ERI1: variants seen among roughly 807,000 people sequenced by gnomAD.
The protein encoded by ERI1 is exoribonuclease 1, also known as 3'-5' exoribonuclease 1.
ERI1 carries 39 observed loss-of-function variants against 39.7 expected under a neutral mutation model. The observed-to-expected ratio is 0.98, with a 90% confidence interval of 0.76 to 1.28. ERI1 has a LOEUF of 1.28. Among genes scored for constraint, ERI1 ranks in the 50% most tolerant of loss-of-function variants. The probability of loss-of-function intolerance (pLI) is 0.00; values close to 1 mark genes in which losing one functional copy is unlikely to be tolerated. For missense variants in ERI1, 581 were observed against 416.9 expected, an observed-to-expected ratio of 1.39 and a Z score of -3.43; for synonymous variants, 204 against 149.6, an observed-to-expected ratio of 1.36 and a Z score of -2.65.
At chr8:9,045,957 G>T (rs1402591394) in intron 3 of ERI1, among the ~76,000 whole-genome samples, 5 of 152,162 alleles carry the variant, frequency 3.3e-5, no homozygotes, top group African/African-American at 1.2e-4. Flanking sequence ...AAGATTACAG[G>T]TGTGAGCCAC....
At chr8:9,021,436 T>G (rs79357319) in intron 6 of ERI1, among the ~76,000 whole-genome samples, 1,567 of 152,338 alleles carry the variant, frequency 0.01, 28 homozygotes, top group African/African-American at 0.036. Context: ...CCTTTACAGT[T>G]TCATTTTGGA....
intron 6 of ERI1, among the ~76,000 whole-genome samples, chr8:9,029,094 C>G (rs375294131): frequency 6.6e-6 from 1 of 150,576 alleles, no homozygotes; most frequent in Non-Finnish European, 1.5e-5. Flanking sequence ...TCCAAAAAGG[C>G]TAGTCTTTTT....
chr8:9,065,097 G>A (rs182371964), intron 3 of ERI1, among the ~76,000 whole-genome samples: 83 of 152,196 alleles, frequency 5.5e-4, no homozygotes, highest in African/African-American at 1.6e-3. Flanking sequence ...CTTCTTTTGT[G>A]GTGGAATGTC....
In ERI1 at chr8:9,032,292, G is replaced by C. The variant is rs1414950267; in HGVS notation, c.*2258G>C. The C allele has an allele frequency of 6.6e-6, 1 of 152,106 alleles. No individual in the cohort carries two copies. Among genetic ancestry groups the C allele is most frequent in the Non-Finnish European group, 1.5e-5 (1 of 68,016 alleles). The allele number at this position is 152,106 out of a possible 1,614,324, so 9.4% of individuals were successfully genotyped here. On this transcript the variant is annotated 3_prime_UTR_variant, in exon 7 of 7. Coordinates refer to ENST00000250263, the MANE Select transcript of ERI1 (RefSeq NM_153332.4). ...ATTGTTTCTTATTAATAGTTACTTAGTATTTACAAACAATTTATTATTAGC... is the reference window on the plus strand; with the variant it reads ...ATTGTTTCTTATTAATAGTTACTTACTATTTACAAACAATTTATTATTAGC...
intron 2 of ERI1, among the ~76,000 whole-genome samples, chr8:9,008,788 C>T (rs754644356): frequency 1.3e-5 from 2 of 152,098 alleles, no homozygotes; most frequent in African/African-American, 2.4e-5. Context: ...AAAAATACAT[C>T]GATTTTTGAT....
At chr8:9,092,032 C>A (rs936855456) in intron 3 of ERI1, among the ~76,000 whole-genome samples, 1 of 152,202 alleles carries the variant, frequency 6.6e-6, no homozygotes, top group African/African-American at 2.4e-5. Context: ...TCTCGGCTCA[C>A]TGCAACCTCC....
chr8:9,075,390 C>T (rs1799177085), intron 3 of ERI1, among the ~76,000 whole-genome samples: 2 of 151,918 alleles, frequency 1.3e-5, no homozygotes, highest in South Asian at 2.1e-4. Flanking sequence ...TGAGAGATTA[C>T]CGAGGAGTTT....
chr8:9,076,567 G>A (rs997165501), intron 3 of ERI1, among the ~76,000 whole-genome samples: 3 of 152,158 alleles, frequency 2.0e-5, no homozygotes, highest in Admixed American at 6.5e-5. Context: ...GGTGGGTGGG[G>A]GATTAAGTTC....
At chr8:9,015,242 G>C (rs1469494637) in intron 3 of ERI1, among the ~76,000 whole-genome samples, 3 of 152,092 alleles carry the variant, frequency 2.0e-5, no homozygotes, top group African/African-American at 7.2e-5. Flanking sequence ...TTTATTCTTA[G>C]GAAATACAAA....
chr8:9,079,298 G>A (rs534108495), intron 3 of ERI1, among the ~76,000 whole-genome samples: 1 of 152,204 alleles, frequency 6.6e-6, no homozygotes, highest in African/African-American at 2.4e-5. Flanking sequence ...CCTGATCTCC[G>A]GAGAAGAGCT....
chr8:9,093,126 A>G (rs1799759835), intron 3 of ERI1, among the ~76,000 whole-genome samples: 2 of 152,186 alleles, frequency 1.3e-5, no homozygotes, highest in African/African-American at 2.4e-5. Flanking sequence ...CACCTTTTTA[A>G]AGACCAGGTC....
intron 3 of ERI1, among the ~76,000 whole-genome samples, chr8:9,068,442 T>C (rs1211142441): frequency 6.6e-6 from 1 of 152,164 alleles, no homozygotes; most frequent in Non-Finnish European, 1.5e-5. Context: ...GCTCAAGTGA[T>C]CCTCCTGCCT....
chr8:9,056,273 A>G (rs150009209), intron 3 of ERI1, among the ~76,000 whole-genome samples: 1 of 152,248 alleles, frequency 6.6e-6, no homozygotes, highest in Admixed American at 6.5e-5. Flanking sequence ...CAGAGAATGC[A>G]GGAGCACAGC....
At chr8:9,038,957 T>C (rs1484933579) in intron 3 of ERI1, among the ~76,000 whole-genome samples, 1 of 152,248 alleles carries the variant, frequency 6.6e-6, no homozygotes, top group Non-Finnish European at 1.5e-5. Flanking sequence ...AAAAATCACA[T>C]TGTGATCTGT....
Position 9,026,600 on chromosome 8 carries a change from T to G in ERI1, c.808-3192T>G, listed in dbSNP as rs180764999. 1.8e-4 allele frequency among the ~76,000 whole-genome samples: 28 copies of G among 152,286 alleles called. No individual in the cohort carries two copies. The East Asian group carries it at 5.4e-3, about 29-fold the overall frequency. On this transcript the variant is annotated intron_variant, in intron 6 of 6. Coordinates refer to ENST00000250263, the MANE Select transcript of ERI1 (RefSeq NM_153332.4). ...GCAGAATAAGAATTCATTGTATGTATTTACGGGCTGAGTATACCTAATCCA... is the reference window on the plus strand; with the variant it reads ...GCAGAATAAGAATTCATTGTATGTAGTTACGGGCTGAGTATACCTAATCCA...
chr8:9,022,091 T>G (rs1817969504), intron 6 of ERI1, among the ~76,000 whole-genome samples: 1 of 152,092 alleles, frequency 6.6e-6, no homozygotes, highest in East Asian at 1.9e-4. Flanking sequence ...CCAATGGAAT[T>G]GTACCAGTTT....
intron 3 of ERI1, among the ~76,000 whole-genome samples, chr8:9,051,083 G>C (rs755393051): frequency 3.3e-5 from 5 of 151,842 alleles, no homozygotes; most frequent in Admixed American, 2.0e-4. Flanking sequence ...TTTAAAGTAG[G>C]TACGATAGAT....
chr8:9,004,936 C>A (rs1309663363), intron 1 of ERI1, among the ~76,000 whole-genome samples: 1 of 152,088 alleles, frequency 6.6e-6, no homozygotes, highest in East Asian at 1.9e-4. Flanking sequence ...GATCCGCCCA[C>A]CTCGGCCTCC....
intron 6 of ERI1, among the ~76,000 whole-genome samples, chr8:9,026,686 CAAAAG>C (rs1358505884): frequency 6.6e-6 from 1 of 152,044 alleles, no homozygotes; most frequent in Non-Finnish European, 1.5e-5. Flanking sequence ...ACATTGTACT[CAAAAG>C]AAATTCTCAT....
Sources: gnomAD v4.1 joint callset for allele counts (sites outside exome capture counted in the v4.1 genomes callset) on GRCh38, gnomAD v4.1.1 for gene constraint, MANE v1.5 for transcripts, NCBI Gene and HGNC (gene_info 2026-07-23, HGNC 2026-07-21) for gene names.